Variants in ICA1L observed in about 807,000 individuals in gnomAD.
ICA1L encodes islet cell autoantigen 1-like protein.
In ICA1L, 50 loss-of-function variants were observed where a neutral mutation model predicts 61.3. That is an observed-to-expected ratio of 0.82 (90% CI 0.65 to 1.03). The LOEUF is 1.03. Among genes scored for constraint, ICA1L ranks in the 50% least tolerant of loss-of-function variants. ICA1L has a pLI of 0.00. For missense variants in ICA1L, 508 were observed against 556.7 expected (o/e 0.91, Z 0.88); for synonymous variants, 161 against 191.3 (o/e 0.84, Z 1.31).
intron 10 of ICA1L, 99 bp downstream of exon 10, chr2:202,796,791 T>G: frequency 3.0e-6 from 2 of 659,766 alleles, no homozygotes; most frequent in Admixed American, 3.1e-5. Context: ...CATTCTTATG[T>G]AGAGACCCAG....
intron 1 of ICA1L, among the ~76,000 whole-genome samples, chr2:202,829,458 AT>A (rs924773166): frequency 1.3e-5 from 2 of 151,568 alleles, no homozygotes; most frequent in Non-Finnish European, 2.9e-5. Flanking sequence ...ACTAAATGTA[AT>A]TTTTTTTTAG....
chr2:202,835,326 C>A (rs372308567), intron 1 of ICA1L, among the ~76,000 whole-genome samples: 1 of 149,234 alleles, frequency 6.7e-6, no homozygotes, highest in African/African-American at 2.5e-5. Context: ...CTGCCTCAGT[C>A]TCCTGAGTAG....
intron 9 of ICA1L, among the ~76,000 whole-genome samples, chr2:202,801,414 T>C (rs1048511881): frequency 6.6e-6 from 1 of 152,188 alleles, no homozygotes; most frequent in Non-Finnish European, 1.5e-5. Context: ...AAGGCTTAGT[T>C]TTTTATTCCA....
At chr2:202,811,679 A>G in intron 9 of ICA1L, 67 bp downstream of exon 9, 2 of 979,598 alleles carry the variant, frequency 2.0e-6, no homozygotes, top group East Asian at 2.5e-5. Flanking sequence ...AAAAAAAAAA[A>G]GGCTGTGATA....
At chr2:202,819,358 T>C (rs895985198) in intron 5 of ICA1L, among the ~76,000 whole-genome samples, 1 of 152,250 alleles carries the variant, frequency 6.6e-6, no homozygotes, top group Non-Finnish European at 1.5e-5. Flanking sequence ...TCATTTTACA[T>C]GAATTTTTAC....
At chr2:202,800,036 G>A (rs1189743337) in intron 9 of ICA1L, among the ~76,000 whole-genome samples, 1 of 151,828 alleles carries the variant, frequency 6.6e-6, no homozygotes, top group Non-Finnish European at 1.5e-5. Context: ...CACTGCCACA[G>A]TCAGCTAAGT....
chr2:202,848,081 A>G (rs1466878835), intron 1 of ICA1L, among the ~76,000 whole-genome samples: 1 of 152,008 alleles, frequency 6.6e-6, no homozygotes, highest in African/African-American at 2.4e-5. Flanking sequence ...GGACTACTGG[A>G]GTGGGGAGAA....
intron 1 of ICA1L, among the ~76,000 whole-genome samples, chr2:202,845,184 GA>G (rs1694433814): frequency 6.6e-6 from 1 of 152,032 alleles, no homozygotes; most frequent in Admixed American, 6.6e-5. Context: ...AAGTCTCTTT[GA>G]ACACAGTCTC....
At chr2:202,838,736 C>T (rs144629768) in intron 1 of ICA1L, among the ~76,000 whole-genome samples, 65 of 152,114 alleles carry the variant, frequency 4.3e-4, no homozygotes, top group Admixed American at 1.3e-3. Context: ...AAAGAAATAC[C>T]TGAAGCTGGG....
intron 11 of ICA1L, among the ~76,000 whole-genome samples, chr2:202,788,517 A>G (rs1692654881): frequency 6.6e-6 from 1 of 152,170 alleles, no homozygotes; most frequent in African/African-American, 2.4e-5. Flanking sequence ...GCTTGATGGA[A>G]GAAACAGTAT....
intron 9 of ICA1L, among the ~76,000 whole-genome samples, chr2:202,809,225 T>C (rs997632278): frequency 2.6e-5 from 4 of 151,758 alleles, no homozygotes; most frequent in African/African-American, 9.7e-5. Flanking sequence ...CAAGCAGAAA[T>C]TCCAGAGTTG....
Position 202,788,989 on chromosome 2 carries a change from T to C in ICA1L, c.1084A>G (p.Ser362Gly). 4 of 1,614,070 alleles carry C rather than the reference T, an allele frequency of 2.5e-6. No individual in the cohort carries two copies. Among genetic ancestry groups the C allele is most frequent in the Non-Finnish European group, 3.4e-6 (4 of 1,179,948 alleles). ...NLLSSGSSST[S>G]EFTQECQTAF... The stretch of plus-strand genomic sequence containing the variant: ...GTCTGGCATTCTTGGGTAAATTCAC[T>C]AGTACTTGAAGAACCAGAACTTAGG... Residue 362 changes from serine (S) to glycine (G), a missense_variant, in exon 11 of 13, where the codon AGT becomes GGT. Coordinates refer to ENST00000358299, the MANE Select transcript of ICA1L (RefSeq NM_001288622.3).
chr2:202,786,113 G>T (rs2105818827), intron 11 of ICA1L, 106 bp from the exon 12 acceptor site: 1 of 651,328 alleles, frequency 1.5e-6, no homozygotes, highest in South Asian at 2.0e-5. Flanking sequence ...TTTGTATCTG[G>T]GTAAGATTCT....
At chr2:202,810,719 T>C (rs1287863879) in intron 9 of ICA1L, among the ~76,000 whole-genome samples, 1 of 152,084 alleles carries the variant, frequency 6.6e-6, no homozygotes, top group African/African-American at 2.4e-5. Context: ...CAAAAGCAAA[T>C]AGGAGAAATA....
chr2:202,817,196 G>GTC (rs1274850045), intron 6 of ICA1L, among the ~76,000 whole-genome samples: 3 of 151,990 alleles, frequency 2.0e-5, no homozygotes, highest in African/African-American at 4.8e-5. Context: ...TGGTCCCTAA[G>GTC]TCTCTCTCTC....
At chr2:202,862,272 C>CAAAAAAAAAAAA (rs778355110) in intron 1 of ICA1L, among the ~76,000 whole-genome samples, 6 of 62,972 alleles carry the variant, frequency 9.5e-5, no homozygotes, top group African/African-American at 2.5e-4. Flanking sequence ...CTCATTTCTA[C>CAAAAAAAAAAAA]AAAAAAAAAA....
intron 9 of ICA1L, among the ~76,000 whole-genome samples, chr2:202,809,382 C>T (rs989609653): frequency 7.2e-5 from 11 of 151,854 alleles, no homozygotes; most frequent in African/African-American, 2.7e-4. Context: ...AGGTGCAGTA[C>T]CCCACGCCTG....
chr2:202,804,016 C>T (rs1313287292), intron 9 of ICA1L, among the ~76,000 whole-genome samples: 1 of 151,980 alleles, frequency 6.6e-6, no homozygotes, highest in Admixed American at 6.5e-5. Flanking sequence ...TAAAGACTAA[C>T]TTCCTTCAAG....
intron 10 of ICA1L, among the ~76,000 whole-genome samples, chr2:202,795,008 T>TAA (rs147407377): frequency 0.096 from 13,361 of 138,844 alleles, 730 homozygotes; most frequent in Non-Finnish European, 0.13. Context: ...AAGAAAATAA[T>TAA]AAAAAAAAAA....
Sources: gnomAD v4.1 joint callset for allele counts (sites outside exome capture counted in the v4.1 genomes callset) on GRCh38, gnomAD v4.1.1 for gene constraint, MANE v1.5 for transcripts, NCBI Gene and HGNC (gene_info 2026-07-23, HGNC 2026-07-21) for gene names.